The following FGGY variants were observed in gnomAD, a reference collection of about 807,000 sequenced individuals.
FGGY encodes the protein FGGY carbohydrate kinase domain containing.
A neutral mutation model predicts 71.3 loss-of-function variants in FGGY; 72 were observed. That is an observed-to-expected ratio of 1.01 (90% CI 0.84 to 1.23). The LOEUF is 1.23. Ranked by LOEUF, FGGY falls within the 50% of genes most tolerant of loss-of-function variation. The probability of loss-of-function intolerance (pLI) is 0.00; values close to 1 mark genes in which losing one functional copy is unlikely to be tolerated. For missense variants in FGGY, 668 were observed against 682.3 expected (o/e 0.98, Z 0.23); for synonymous variants, 251 against 250.3 (o/e 1.00, Z -0.02).
At chr1:59,713,044 T>G (rs1044171725) in intron 14 of FGGY, among the ~76,000 whole-genome samples, 1 of 152,212 alleles carries the variant, frequency 6.6e-6, no homozygotes, top group African/African-American at 2.4e-5. Context: ...CTTTGCTGCT[T>G]AGGAATTTCT....
chr1:59,341,433 A>C (rs2050666884), intron 3 of FGGY, among the ~76,000 whole-genome samples: 1 of 152,238 alleles, frequency 6.6e-6, no homozygotes, highest in African/African-American at 2.4e-5. Flanking sequence ...AAATAATCAT[A>C]ATCACTATGT....
intron 14 of FGGY, among the ~76,000 whole-genome samples, chr1:59,711,344 A>C (rs12078382): frequency 0.03 from 4,611 of 152,286 alleles, 227 homozygotes; most frequent in African/African-American, 0.11. Flanking sequence ...AATGTAGACA[A>C]CGGGTCGGTG....
intron 5 of FGGY, among the ~76,000 whole-genome samples, chr1:59,421,461 C>T (rs1233143531): frequency 6.6e-6 from 1 of 150,816 alleles, no homozygotes; most frequent in Non-Finnish European, 1.5e-5. Flanking sequence ...TAAAACTCCT[C>T]CCTCCCTCCA....
intron 13 of FGGY, 138 bp from the exon 14 acceptor site, chr1:59,673,901 A>G: frequency 1.5e-6 from 1 of 654,736 alleles, no homozygotes. Flanking sequence ...GGAATAAAGA[A>G]GGGAGGACTG....
intron 6 of FGGY, among the ~76,000 whole-genome samples, chr1:59,498,865 C>A (rs1209823408): frequency 6.6e-6 from 1 of 152,186 alleles, no homozygotes; most frequent in Non-Finnish European, 1.5e-5. Context: ...GCCAACTTGG[C>A]AAATTCCACT....
At chr1:59,711,902 T>A (rs1010046605) in intron 14 of FGGY, among the ~76,000 whole-genome samples, 1 of 151,996 alleles carries the variant, frequency 6.6e-6, no homozygotes, top group African/African-American at 2.4e-5. Flanking sequence ...CTCCCAAATC[T>A]CATGTCCTCA....
chr1:59,479,117 A>G (rs61482359), intron 6 of FGGY, among the ~76,000 whole-genome samples: 2,795 of 152,278 alleles, frequency 0.018, 97 homozygotes, highest in African/African-American at 0.065. Context: ...CCCCATTCCC[A>G]TTTTTTACAG....
intron 5 of FGGY, among the ~76,000 whole-genome samples, chr1:59,452,002 A>G (rs976920431): frequency 3.3e-5 from 5 of 151,960 alleles, no homozygotes; most frequent in Admixed American, 6.6e-5. Flanking sequence ...GTGGGCTTAA[A>G]TCTTACTTCA....
At chr1:59,311,231 C>A (rs1285922539) in intron 1 of FGGY, among the ~76,000 whole-genome samples, 1 of 151,694 alleles carries the variant, frequency 6.6e-6, no homozygotes, top group Admixed American at 6.6e-5. Flanking sequence ...TGGCTGATAA[C>A]AAACCTGAAA....
At chr1:59,536,455 A>G (rs1007340356) in intron 7 of FGGY, among the ~76,000 whole-genome samples, 3 of 152,174 alleles carry the variant, frequency 2.0e-5, no homozygotes, top group Non-Finnish European at 2.9e-5. Flanking sequence ...TAGAAAAAGA[A>G]GGTATCCTCC....
intron 6 of FGGY, among the ~76,000 whole-genome samples, chr1:59,495,605 A>C (rs1285947724): frequency 2.0e-5 from 3 of 151,814 alleles, no homozygotes; most frequent in African/African-American, 7.3e-5. Context: ...TAGGGTTTTT[A>C]TAGTTTTAGG....
At chr1:59,368,129 A>C (rs1456077778) in intron 4 of FGGY, among the ~76,000 whole-genome samples, 1 of 152,182 alleles carries the variant, frequency 6.6e-6, no homozygotes, top group South Asian at 2.1e-4. Flanking sequence ...GAACTCTATT[A>C]GGCCATCACC....
chr1:59,573,881 A>AC (rs2096032041), intron 8 of FGGY, among the ~76,000 whole-genome samples: 1 of 152,198 alleles, frequency 6.6e-6, no homozygotes, highest in South Asian at 2.1e-4. Flanking sequence ...CAGAGTTAAA[A>AC]ATTTAACACT....
chr1:59,716,465 C>G (rs1186445457), intron 14 of FGGY, among the ~76,000 whole-genome samples: 1 of 152,160 alleles, frequency 6.6e-6, no homozygotes, highest in Non-Finnish European at 1.5e-5. Flanking sequence ...ACATCTTGAT[C>G]TCTGAGCTCC....
At chr1:59,381,532 G>A (rs974865012) in intron 5 of FGGY, among the ~76,000 whole-genome samples, 5 of 151,932 alleles carry the variant, frequency 3.3e-5, no homozygotes, top group Admixed American at 2.0e-4. Flanking sequence ...ATGTCACTAG[G>A]TGATAGGAAT....
intron 5 of FGGY, among the ~76,000 whole-genome samples, chr1:59,381,682 T>C (rs533479669): frequency 6.6e-6 from 1 of 151,580 alleles, no homozygotes; most frequent in Admixed American, 6.6e-5. Context: ...TATTTTGGCC[T>C]CTAATATTAA....
At chr1:59,543,907 G>T (rs2095483459) in intron 7 of FGGY, among the ~76,000 whole-genome samples, 1 of 152,202 alleles carries the variant, frequency 6.6e-6, no homozygotes, top group Admixed American at 6.5e-5. Flanking sequence ...AGAGAAGGTT[G>T]CTGAAGGCAA....
chr1:59,480,898 A>C (rs1235534701), intron 6 of FGGY, among the ~76,000 whole-genome samples: 2 of 152,188 alleles, frequency 1.3e-5, no homozygotes, highest in Non-Finnish European at 2.9e-5. Flanking sequence ...ATGAGGTCTT[A>C]TATGCCAGGT....
intron 10 of FGGY, among the ~76,000 whole-genome samples, chr1:59,627,489 T>TACACACACACAC (rs34618549): frequency 6.5e-5 from 6 of 92,782 alleles, no homozygotes; most frequent in African/African-American, 3.1e-4. Context: ...TATATATATA[T>TACACACACACAC]ACACACACAC....
Sources: allele counts gnomAD v4.1 joint callset (sites outside exome capture counted in the v4.1 genomes callset), GRCh38; gene constraint gnomAD v4.1.1; transcripts MANE v1.5; gene names NCBI Gene and HGNC (gene_info 2026-07-23, HGNC 2026-07-21).